Variants in FTO observed in about 807,000 individuals in gnomAD.
The protein encoded by FTO is FTO alpha-ketoglutarate dependent dioxygenase.
Under a neutral mutation model 63.9 loss-of-function variants are expected in FTO, and 47 were observed. The observed-to-expected ratio is 0.74, with a 90% CI of 0.58 to 0.94. The LOEUF is 0.94. Among genes scored for constraint, FTO ranks in the 40% least tolerant of loss-of-function variants. The probability of loss-of-function intolerance (pLI) is 0.00; values close to 1 mark genes in which losing one functional copy is unlikely to be tolerated. For missense variants in FTO, 562 were observed against 618.1 expected (o/e 0.91, Z 0.96); for synonymous variants, 207 against 224.4 (o/e 0.92, Z 0.69).
chr16:53,936,508 G>A (rs996745653), intron 8 of FTO, among the ~76,000 whole-genome samples: 1 of 152,144 alleles, frequency 6.6e-6, no homozygotes, highest in African/African-American at 2.4e-5. Flanking sequence ...GTCTGGAATT[G>A]GGCATTGCCT....
chr16:53,709,460 T>C (rs1411340473), intron 1 of FTO, among the ~76,000 whole-genome samples: 1 of 152,112 alleles, frequency 6.6e-6, no homozygotes, highest in Non-Finnish European at 1.5e-5. Context: ...GTTTCTCCAG[T>C]CATTAATGAG....
intron 1 of FTO, among the ~76,000 whole-genome samples, chr16:53,715,772 T>C (rs2075880997): frequency 1.3e-5 from 2 of 152,210 alleles, no homozygotes; most frequent in Non-Finnish European, 2.9e-5. Flanking sequence ...CCACATACCT[T>C]ATATGTTTAT....
intron 8 of FTO, among the ~76,000 whole-genome samples, chr16:54,000,323 A>G (rs1387466585): frequency 1.3e-5 from 2 of 152,218 alleles, no homozygotes; most frequent in Non-Finnish European, 2.9e-5. Flanking sequence ...TTCAAAGAAA[A>G]ACAGGAGAGT....
At chr16:53,873,071 A>G (rs2080545268) in intron 4 of FTO, among the ~76,000 whole-genome samples, 1 of 152,198 alleles carries the variant, frequency 6.6e-6, no homozygotes, top group Non-Finnish European at 1.5e-5. Flanking sequence ...AGAGCCAAAC[A>G]TGCAACATGC....
chr16:53,928,786 A>G (rs2082209836), intron 7 of FTO, among the ~76,000 whole-genome samples: 2 of 152,154 alleles, frequency 1.3e-5, no homozygotes, highest in Admixed American at 1.3e-4. Flanking sequence ...ATTTACATAC[A>G]ATAAAATTGG....
At chr16:53,862,034 G>T (rs2080188661) in intron 4 of FTO, among the ~76,000 whole-genome samples, 1 of 152,132 alleles carries the variant, frequency 6.6e-6, no homozygotes, top group Non-Finnish European at 1.5e-5. Flanking sequence ...GGCAGATCAG[G>T]AGGTCAGGAT....
chr16:53,740,470 G>A (rs1378129413), intron 1 of FTO, among the ~76,000 whole-genome samples: 3 of 152,182 alleles, frequency 2.0e-5, no homozygotes, highest in Admixed American at 2.0e-4. Flanking sequence ...TGTGCATACA[G>A]GATTGAAAAT....
Position 54,117,935 on chromosome 16 carries a change from G to C in FTO, c.*6020G>C, listed in dbSNP as rs1295754104. On this transcript the variant is annotated 3_prime_UTR_variant, in exon 9 of 9. Transcript: ENST00000471389. The stretch of plus-strand genomic sequence containing the variant: ...TTCCAATGATGCAGTTCATGACTTT[G>C]CTCGCATTTACTTTTCATCAATCCT... The C allele has an allele frequency of 6.6e-6, 1 of 152,196 alleles. No individual in the cohort carries two copies. The highest frequency in any genetic ancestry group is 2.4e-5 in the African/African-American group (1 of 41,442). The allele number at this position is 152,196 out of a possible 1,614,324, so 9.4% of individuals were successfully genotyped here. A position where few individuals can be genotyped will look rare whatever the true frequency, so the allele number is the denominator to read the frequency against.
chr16:53,819,577 T>C (rs189795507), intron 2 of FTO, among the ~76,000 whole-genome samples: 10 of 152,342 alleles, frequency 6.6e-5, no homozygotes, highest in Admixed American at 5.9e-4. Flanking sequence ...TGTTTCTGCA[T>C]TCCTGCCATA....
chr16:53,813,314 C>T (rs1050084120), intron 2 of FTO, among the ~76,000 whole-genome samples: 2 of 151,912 alleles, frequency 1.3e-5, no homozygotes, highest in South Asian at 4.2e-4. Flanking sequence ...CAGATTCAAG[C>T]GATTCTCCTG....
chr16:53,995,090 G>A (rs1176825920), intron 8 of FTO, among the ~76,000 whole-genome samples: 1 of 152,174 alleles, frequency 6.6e-6, no homozygotes, highest in African/African-American at 2.4e-5. Flanking sequence ...TGGCCCTGTT[G>A]GAATCCTTCT....
rs1168992495 is a variant in FTO, at chr16:53,810,136, A to T, written c.46-4A>T. 1 of 1,600,078 alleles carries T rather than the reference A, an allele frequency of 6.2e-7. No homozygotes were observed. Among genetic ancestry groups the T allele is most frequent in the South Asian group, 1.1e-5 (1 of 90,742 alleles). On this transcript the variant is annotated splice_polypyrimidine_tract_variant and splice_region_variant and intron_variant, in intron 1 of 8. Transcript: ENST00000471389. ...ACTTATATGTAATTATTATTTTCAA[A>T]CAGAAACTGAGGCTTCTTGAAGAGC...
chr16:54,020,829 G>C (rs1477507122), intron 8 of FTO, among the ~76,000 whole-genome samples: 1 of 152,110 alleles, frequency 6.6e-6, no homozygotes, highest in African/African-American at 2.4e-5. Context: ...AAAATTAGCT[G>C]GGCATGGTGG....
chr16:54,039,880 G>A (rs2085031355), intron 8 of FTO: 2 of 152,216 alleles, frequency 1.3e-5, no homozygotes, highest in African/African-American at 4.8e-5. Context: ...AAATCTGCCT[G>A]TTCTAATTTC....
At chr16:54,089,505 C>T (rs708253) in intron 8 of FTO, among the ~76,000 whole-genome samples, 16,796 of 152,056 alleles carry the variant, frequency 0.11, 2,564 homozygotes, top group African/African-American at 0.34. Context: ...TTGGGAGACA[C>T]GGTTAAGAGT....
intron 1 of FTO, among the ~76,000 whole-genome samples, chr16:53,720,852 C>T (rs569260411): frequency 3.3e-5 from 5 of 151,728 alleles, no homozygotes; most frequent in Non-Finnish European, 7.4e-5. Flanking sequence ...TACAGTGGCA[C>T]AGTCATAACT....
chr16:53,718,774 A>G (rs2075957780), intron 1 of FTO, among the ~76,000 whole-genome samples: 4 of 152,272 alleles, frequency 2.6e-5, no homozygotes, highest in Middle Eastern at 3.4e-3. Context: ...AGACTTTCTA[A>G]TAATGGTTCC....
At chr16:53,852,822 C>CT (rs1024893660) in intron 4 of FTO, among the ~76,000 whole-genome samples, 26 of 151,512 alleles carry the variant, frequency 1.7e-4, no homozygotes, top group Middle Eastern at 3.4e-3. Context: ...TTATATTCGT[C>CT]TTTTTTTTTA....
intron 8 of FTO, among the ~76,000 whole-genome samples, chr16:54,065,945 GTAAC>G (rs1330561253): frequency 1.3e-5 from 2 of 152,326 alleles, no homozygotes; most frequent in South Asian, 2.1e-4. Flanking sequence ...AGGACACCTG[GTAAC>G]TAACTAACTT....
Sources: allele counts gnomAD v4.1 joint callset (sites outside exome capture counted in the v4.1 genomes callset), GRCh38; gene constraint gnomAD v4.1.1; transcripts MANE v1.5; gene names NCBI Gene and HGNC (gene_info 2026-07-23, HGNC 2026-07-21).